Variants in MYO18A observed in about 807,000 individuals in gnomAD.
MYO18A encodes the protein myosin XVIIIA.
A neutral mutation model predicts 235.8 loss-of-function variants in MYO18A; 78 were observed. The ratio of observed to expected loss-of-function variants is 0.33; its 90% CI spans 0.28 to 0.40. The LOEUF (loss-of-function observed/expected upper bound fraction) is 0.40, where lower values mean the gene tolerates loss of function less well. MYO18A is among the 10% of genes least tolerant of loss of function. MYO18A has a pLI of 1.00. For missense variants in MYO18A, 2,215 were observed against 2,699.3 expected (o/e 0.82, Z 3.98); for synonymous variants, 977 against 1,077.8 (o/e 0.91, Z 1.83).
intron 32 of MYO18A, 103 bp from the exon 33 acceptor site, chr17:29,093,104 A>C: frequency 1.4e-6 from 2 of 1,443,572 alleles, no homozygotes; most frequent in Non-Finnish European, 1.9e-6. Context: ...GTGTCCCCAT[A>C]AGGATGCTGG....
At position 29,122,193 on chromosome 17, in the gene MYO18A, G is replaced by A. The variant is rs2067218103; in HGVS notation, c.1060C>T (p.Leu354=). Residue 354 remains leucine (L), a synonymous_variant, in exon 3 of 42, where the codon CTG becomes TTG. Coordinates refer to ENST00000527372, the MANE Select transcript of MYO18A (RefSeq NM_078471.4). The stretch of plus-strand genomic sequence containing the variant: ...AGTGAGAAGCCGTCCCTATGGACCA[G>A]CCACACCTTCTCCGTCTCATTCCAG... ...EAWNETEKVW[L]VHRDGFSLAS... The A allele has an allele frequency of 6.2e-7, 1 of 1,613,410 alleles. No individual in the cohort carries two copies. The highest frequency in any genetic ancestry group is 1.7e-5 in the Admixed American group (1 of 59,948).
At chr17:29,116,198 G>A (rs1009333308) in intron 11 of MYO18A, among the ~76,000 whole-genome samples, 4 of 152,196 alleles carry the variant, frequency 2.6e-5, no homozygotes, top group Non-Finnish European at 5.9e-5. Flanking sequence ...CAAGAACCCC[G>A]TGTGCCTGTG....
Position 29,094,705 on chromosome 17 carries a change from T to C in MYO18A, c.4655A>G (p.Lys1552Arg). The change falls in exon 30 of 42, where the codon AAG becomes AGG. Residue 1552 changes from lysine to arginine, a missense_variant. Coordinates refer to ENST00000527372, the MANE Select transcript of MYO18A (RefSeq NM_078471.4). ...CTCATCCAGCTCTTCTTCCTGATCCTTGACTTTGGCCTCCAGGTCCCGGAG... is the reference window on the plus strand; with the variant it reads ...CTCATCCAGCTCTTCTTCCTGATCCCTGACTTTGGCCTCCAGGTCCCGGAG... Reference protein sequence around the residue: ...KQLRDLEAKVKDQEEELDEQA... With the variant: ...KQLRDLEAKVRDQEEELDEQA... 1 of 1,614,058 alleles carries C rather than the reference T, an allele frequency of 6.2e-7. No individual in the cohort carries two copies. The highest frequency in any genetic ancestry group is 8.5e-7 in the Non-Finnish European group (1 of 1,179,900).
At chr17:29,089,836 TG>T in intron 37 of MYO18A, 124 bp downstream of exon 37, 1 of 1,280,430 alleles carries the variant, frequency 7.8e-7, no homozygotes, top group Non-Finnish European at 1.1e-6. Context: ...TCAGCTGGCC[TG>T]GCAGTGAGGC....
chr17:29,130,712 C>CG (rs1263016348), intron 2 of MYO18A, among the ~76,000 whole-genome samples: 1 of 152,152 alleles, frequency 6.6e-6, no homozygotes, highest in African/African-American at 2.4e-5. Context: ...CTCCTGCCCC[C>CG]TGTGCTACCA....
In MYO18A at chr17:29,120,204, T is replaced by TG. The variant is rs1156241797; in HGVS notation, c.1728+411dup. Reference sequence around the variant, plus strand: ...ACCCCAGGTGCCTGCCTTCTGGAAATGGGAGCTTGTGGTGAGGTATTTAGC... The same window carrying TG: ...ACCCCAGGTGCCTGCCTTCTGGAAATGGGGAGCTTGTGGTGAGGTATTTAGC... On this transcript the variant is annotated intron_variant, in intron 7 of 41. Transcript: ENST00000527372. The surrounding 1 kb of genome is among the most constrained non-coding windows in gnomAD (Gnocchi z 4.2). 6.6e-6 allele frequency among the ~76,000 whole-genome samples: 1 copy of TG among 152,144 alleles called. No individual in the cohort carries two copies. Among genetic ancestry groups the TG allele is most frequent in the African/African-American group, 2.4e-5 (1 of 41,418 alleles).
At chr17:29,128,092 G>C in intron 2 of MYO18A, 1 of 1,039,866 alleles carries the variant, frequency 9.6e-7, no homozygotes, top group Non-Finnish European at 1.2e-6. Context: ...CGCGGGCCTT[G>C]TGCTCCTTGC....
At chr17:29,137,286 T>G (rs2067626592) in intron 2 of MYO18A, among the ~76,000 whole-genome samples, 1 of 152,194 alleles carries the variant, frequency 6.6e-6, no homozygotes, top group African/African-American at 2.4e-5. Context: ...TGCACGAGAG[T>G]GCTGGGACAG....
intron 2 of MYO18A, chr17:29,133,833 C>T (rs1293537476): frequency 7.8e-7 from 1 of 1,289,322 alleles, no homozygotes; most frequent in Non-Finnish European, 1.0e-6. Flanking sequence ...GATGAAAAGG[C>T]CATGGCGCTG....
chr17:29,161,597 G>A (rs2068175952), intron 2 of MYO18A, among the ~76,000 whole-genome samples: 1 of 152,170 alleles, frequency 6.6e-6, no homozygotes, highest in Admixed American at 6.5e-5. Flanking sequence ...ACATTGGCCA[G>A]GGTTTAGCTG....
chr17:29,173,005 C>T (rs887606156), intron 1 of MYO18A, among the ~76,000 whole-genome samples: 3 of 151,632 alleles, frequency 2.0e-5, no homozygotes, highest in Non-Finnish European at 4.4e-5. Flanking sequence ...TAATATCAAT[C>T]AATTAGGGCA....
rs764287201 is a variant in MYO18A at position 29,097,789 on chromosome 17, T to TGCA, written c.4098_4100dup (p.Ala1367dup). ...GAGCTCCTTGGGCCTCAGGCCCACCTGCATCATCATCATCCACTTCCCCGT... is the reference window on the plus strand; with the variant it reads ...GAGCTCCTTGGGCCTCAGGCCCACCTGCAGCATCATCATCATCCACTTCCCCGT... On this transcript the variant is annotated inframe_insertion and splice_region_variant, in exon 26 of 42. Transcript: ENST00000527372. The TGCA allele has an allele frequency of 6.2e-7, 1 of 1,610,580 alleles. No individual in the cohort carries two copies. Among genetic ancestry groups the TGCA allele is most frequent in the South Asian group, 1.1e-5 (1 of 90,332 alleles).
chr17:29,179,813 G>A (rs1245314496), intron 1 of MYO18A, among the ~76,000 whole-genome samples: 1 of 152,210 alleles, frequency 6.6e-6, no homozygotes, highest in African/African-American at 2.4e-5. Flanking sequence ...CTGCCCGGCA[G>A]TGAAAGAGTG....
At chr17:29,079,815 C>G (rs867409572) in intron 41 of MYO18A, 3 of 985,996 alleles carry the variant, frequency 3.0e-6, no homozygotes, top group African/African-American at 3.5e-5. Flanking sequence ...TCCTCGACGG[C>G]CGGTGCGTCT....
At chr17:29,107,350 G>A (rs1363174560) in intron 19 of MYO18A, 161 bp from the exon 20 acceptor site, 3 of 650,954 alleles carry the variant, frequency 4.6e-6, no homozygotes, top group East Asian at 5.5e-5. Flanking sequence ...AGGAGAGGGG[G>A]TAGGCAGGGA....
intron 2 of MYO18A, among the ~76,000 whole-genome samples, chr17:29,122,490 C>T (rs575006382): frequency 2.0e-5 from 3 of 152,148 alleles, no homozygotes; most frequent in Non-Finnish European, 4.4e-5. Flanking sequence ...GGCTAGAGAC[C>T]GTACCATCAG....
chr17:29,166,920 T>G lies in MYO18A; in HGVS notation c.21A>C (p.Lys7Asn). Residue 7 changes from lysine to asparagine, a missense_variant, in exon 2 of 42, where the codon AAA becomes AAC. By Grantham distance (94) the Lys-to-Asn change is moderately conservative. Coordinates refer to ENST00000527372, the MANE Select transcript of MYO18A (RefSeq NM_078471.4). Reference sequence around the variant, plus strand: ...TCCGCCCGCCATCTTTGTCCTTGTCTTTCTTCATTAGGTTAAACATGGTGG... The same window carrying G: ...TCCGCCCGCCATCTTTGTCCTTGTCGTTCTTCATTAGGTTAAACATGGTGG... MFNLMK[K>N]DKDKDGGRKE... 1 of 1,546,290 alleles carries G rather than the reference T, an allele frequency of 6.5e-7. No individual in the cohort carries two copies. Among genetic ancestry groups the G allele is most frequent in the Non-Finnish European group, 8.7e-7 (1 of 1,143,440 alleles).
intron 22 of MYO18A, among the ~76,000 whole-genome samples, chr17:29,099,231 A>G (rs1299256499): frequency 6.6e-6 from 1 of 152,124 alleles, no homozygotes; most frequent in Non-Finnish European, 1.5e-5. Context: ...CATCTGCTTT[A>G]TTTGCTGCCT....
intron 21 of MYO18A, among the ~76,000 whole-genome samples, chr17:29,100,073 AT>A (rs1450824729): frequency 6.6e-6 from 1 of 152,186 alleles, no homozygotes; most frequent in African/African-American, 2.4e-5. Flanking sequence ...TGGAGCAGTC[AT>A]TGGTCAAACA....
Sources: gnomAD v4.1 joint callset for allele counts (sites outside exome capture counted in the v4.1 genomes callset) on GRCh38, gnomAD v4.1.1 for gene constraint, Gnocchi (gnomAD v3.1) non-coding constraint, MANE v1.5 for transcripts, NCBI Gene and HGNC (gene_info 2026-07-23, HGNC 2026-07-21) for gene names.